ANLN: variants seen among roughly 807,000 people sequenced by gnomAD.
The protein encoded by ANLN is anillin.
Under a neutral mutation model 135.1 loss-of-function variants are expected in ANLN, and 59 were observed. The ratio of observed to expected loss-of-function variants is 0.44; its 90% CI spans 0.35 to 0.54. The LOEUF is 0.54. Among genes scored for constraint, ANLN ranks in the 20% least tolerant of loss-of-function variants. The pLI is 0.00. For synonymous variants in ANLN, 406 were observed against 456.4 expected (o/e 0.89, Z 1.41); for missense variants, 1,182 against 1,340.0 (o/e 0.88, Z 1.84).
Position 36,452,567 on chromosome 7 carries a change from T to A in ANLN, c.3342T>A (p.Pro1114=). ...QVLVDIRLWQ[P]DACYKPIGKP ...TTGTTGATATTCGCCTCTGGCAACC[T>A]GATGCTTGCTACAAACCTATTGGAA... Residue 1114 remains proline, a synonymous_variant, in exon 24 of 24, where the codon CCT becomes CCA. Coordinates refer to ENST00000265748, the MANE Select transcript of ANLN (RefSeq NM_018685.5). 1 of 1,614,086 alleles carries A rather than the reference T, an allele frequency of 6.2e-7. No homozygotes were observed. Among genetic ancestry groups the A allele is most frequent in the South Asian group, 1.1e-5 (1 of 91,080 alleles).
intron 2 of ANLN, 67 bp from the exon 3 acceptor site, chr7:36,399,012 C>A: frequency 7.6e-7 from 1 of 1,309,060 alleles, no homozygotes; most frequent in Non-Finnish European, 1.1e-6. Context: ...TGTTGAGTAT[C>A]TACCCTCAAG....
chr7:36,409,605 G>T (rs1268825870), intron 5 of ANLN, among the ~76,000 whole-genome samples: 1 of 151,976 alleles, frequency 6.6e-6, no homozygotes, highest in African/African-American at 2.4e-5. Context: ...GGCCCAATTT[G>T]CCCTACTTTA....
rs781079189 is a variant in ANLN, at chr7:36,452,626, A to T, written c.*26A>T. 1 of 1,610,660 alleles carries T rather than the reference A, an allele frequency of 6.2e-7. No individual in the cohort carries two copies. The highest frequency in any genetic ancestry group is 8.5e-7 in the Non-Finnish European group (1 of 1,177,728). On this transcript the variant is annotated 3_prime_UTR_variant, in exon 24 of 24. Transcript: ENST00000265748. ...ACCGGGAAATTTCCATGCTATCTAGAGGTTTTTGATGTCATCTTAAGAAAC... is the reference window on the plus strand; with the variant it reads ...ACCGGGAAATTTCCATGCTATCTAGTGGTTTTTGATGTCATCTTAAGAAAC...
intron 20 of ANLN, among the ~76,000 whole-genome samples, chr7:36,435,473 G>A (rs969513140): frequency 1.3e-5 from 2 of 152,184 alleles, no homozygotes; most frequent in African/African-American, 4.8e-5. Context: ...AAAGTTCAGG[G>A]ATTACACATG....
chr7:36,395,741 C>G (rs946710012), intron 1 of ANLN, among the ~76,000 whole-genome samples: 1 of 151,876 alleles, frequency 6.6e-6, no homozygotes, highest in African/African-American at 2.4e-5. Flanking sequence ...AGTGATCTGG[C>G]AGATTATCTG....
At chr7:36,393,767 G>GCTGTAT (rs1429807953) in intron 1 of ANLN, among the ~76,000 whole-genome samples, 11 of 152,196 alleles carry the variant, frequency 7.2e-5, no homozygotes, top group Admixed American at 5.9e-4. Flanking sequence ...TGTAGCTGTA[G>GCTGTAT]CTTGTGGAGC....
chr7:36,443,394 A>G (rs1232423890), intron 21 of ANLN, among the ~76,000 whole-genome samples: 1 of 152,226 alleles, frequency 6.6e-6, no homozygotes, highest in Non-Finnish European at 1.5e-5. Flanking sequence ...TTTTTAAAAT[A>G]TATAAGGTAT....
intron 1 of ANLN, chr7:36,390,441 G>A (rs925337748): frequency 2.5e-5 from 6 of 236,498 alleles, no homozygotes; most frequent in Middle Eastern, 1.3e-3. Context: ...GACTCAGTGC[G>A]GCTGCCGCCG....
At chr7:36,435,032 T>C (rs1420020109) in intron 20 of ANLN, among the ~76,000 whole-genome samples, 1 of 152,196 alleles carries the variant, frequency 6.6e-6, no homozygotes, top group Non-Finnish European at 1.5e-5. Flanking sequence ...ATTATGATTG[T>C]GGTCAAGGTT....
At chr7:36,434,446 C>G (rs1788444231) in intron 20 of ANLN, among the ~76,000 whole-genome samples, 1 of 152,216 alleles carries the variant, frequency 6.6e-6, no homozygotes, top group Admixed American at 6.5e-5. Context: ...AGCCTGGGCT[C>G]AACCATTGAA....
chr7:36,404,729 G>A (rs1583601769), intron 3 of ANLN, among the ~76,000 whole-genome samples: 2 of 152,156 alleles, frequency 1.3e-5, no homozygotes, highest in East Asian at 3.9e-4. Context: ...ACATCATTAG[G>A]GCAAATAAAG....
intron 20 of ANLN, among the ~76,000 whole-genome samples, chr7:36,436,390 C>T (rs751596079): frequency 9.2e-5 from 14 of 152,158 alleles, no homozygotes; most frequent in Non-Finnish European, 1.2e-4. Context: ...GGGCTGTTTC[C>T]GCATTTTGCC....
Position 36,415,852 on chromosome 7 carries a change from T to C in ANLN, c.1490T>C (p.Ile497Thr). 1.2e-6 allele frequency: 2 copies of C among 1,604,992 alleles called. No individual in the cohort carries two copies. The highest frequency in any genetic ancestry group is 1.3e-5 in the African/African-American group (1 of 74,446). Residue 497 changes from isoleucine (I) to threonine (T), a missense_variant, in exon 8 of 24, where the codon ATA becomes ACA. Physicochemically the swap from Ile to Thr is moderately conservative, Grantham distance 89 (BLOSUM62 -1). Around this residue, in one of 3 missense-constraint regions of ANLN, gnomAD observed 1,022 missense variants for 1,134.0 expected, o/e 0.90. Coordinates refer to ENST00000265748, the MANE Select transcript of ANLN (RefSeq NM_018685.5). ...PVTEKVTENQ[I>T]PAKNSSTEPK... ...ACAGAAAAGGTGACCGAAAACCAGA[T>C]ACCAGCCAAAAATTCTAGTACAGAA...
At chr7:36,402,980 T>G (rs1787019252) in intron 3 of ANLN, among the ~76,000 whole-genome samples, 4 of 152,112 alleles carry the variant, frequency 2.6e-5, no homozygotes, top group Admixed American at 1.3e-4. Context: ...AACTATACTC[T>G]GTGGTGCATG....
rs775290844 is a variant in ANLN at position 36,443,832 on chromosome 7, T to C, written c.3048T>C (p.Tyr1016=). The stretch of plus-strand genomic sequence containing the variant: ...TTCTTTCTGGAAACTGTATATCTTA[T>C]TGGACTTATCCAGATGATGAGAAAC... The part of the protein sequence containing the change: ...WCVLSGNCIS[Y]WTYPDDEKRK... The change falls in exon 22 of 24, where the codon TAT becomes TAC. Residue 1016 remains tyrosine, a synonymous_variant. Transcript: ENST00000265748. 9.9e-6 allele frequency: 16 copies of C among 1,611,522 alleles called. No individual in the cohort carries two copies. Among genetic ancestry groups the C allele is most frequent in the South Asian group, 2.2e-5 (2 of 90,434 alleles).
chr7:36,408,975 C>A (rs1044495504), intron 5 of ANLN, among the ~76,000 whole-genome samples: 1 of 152,148 alleles, frequency 6.6e-6, no homozygotes, highest in South Asian at 2.1e-4. Context: ...TTTGAAAATA[C>A]AACCTCTGCA....
chr7:36,425,853 T>C (rs572639946), intron 18 of ANLN, 113 bp downstream of exon 18: 2 of 1,187,518 alleles, frequency 1.7e-6, no homozygotes, highest in African/African-American at 1.5e-5. Context: ...AATTTTAACA[T>C]GTACTAATGG....
chr7:36,449,611 T>C, intron 22 of ANLN, 54 bp from the exon 23 acceptor site: 8 of 1,397,354 alleles, frequency 5.7e-6, no homozygotes, highest in Non-Finnish European at 7.8e-6. Flanking sequence ...GCTTAATGCT[T>C]ACTGACTTAA....
intron 23 of ANLN, among the ~76,000 whole-genome samples, chr7:36,451,825 C>G (rs1016946980): frequency 1.3e-5 from 2 of 152,200 alleles, no homozygotes; most frequent in African/African-American, 4.8e-5. Flanking sequence ...GGAATCCCCC[C>G]TTCCTTACTC....
Sources: allele counts gnomAD v4.1 joint callset (sites outside exome capture counted in the v4.1 genomes callset), GRCh38; gene constraint gnomAD v4.1.1; regional missense constraint gnomAD v4.1.1; transcripts MANE v1.5; gene names NCBI Gene and HGNC (gene_info 2026-07-23, HGNC 2026-07-21).